The following CRK variants were observed in gnomAD, a reference collection of about 807,000 sequenced individuals.
CRK encodes adapter molecule crk.
Under a neutral mutation model 29.8 loss-of-function variants are expected in CRK, and 4 were observed. The observed-to-expected ratio is 0.13, with a 90% CI of 0.07 to 0.31. CRK has a LOEUF of 0.31. Ranked by LOEUF, CRK falls within the 10% of genes least tolerant of loss-of-function variation. The pLI is 1.00. For missense variants in CRK, 274 were observed against 396.5 expected, an observed-to-expected ratio of 0.69 and a Z score of 2.62; for synonymous variants, 153 against 164.9, an observed-to-expected ratio of 0.93 and a Z score of 0.55.
intron 1 of CRK, among the ~76,000 whole-genome samples, chr17:1,438,551 G>C: frequency 6.6e-6 from 1 of 151,746 alleles, no homozygotes; most frequent in African/African-American, 2.4e-5. Flanking sequence ...ATCAATTCCC[G>C]AGATCGTAAA....
At chr17:1,437,961 T>G (rs2073900532) in intron 1 of CRK, among the ~76,000 whole-genome samples, 1 of 151,994 alleles carries the variant, frequency 6.6e-6, no homozygotes, top group Admixed American at 6.6e-5. Context: ...CTACTGCGCC[T>G]GGCCTGCATC....
At chr17:1,437,341 T>G (rs1324177443) in intron 1 of CRK, among the ~76,000 whole-genome samples, 186 bp from the exon 2 acceptor site, 1 of 151,860 alleles carries the variant, frequency 6.6e-6, no homozygotes, top group Non-Finnish European at 1.5e-5. Context: ...AGCCCACCAC[T>G]GTGCCTGGCC....
At chr17:1,445,043 G>A (rs1042257526) in intron 1 of CRK, among the ~76,000 whole-genome samples, 5 of 151,826 alleles carry the variant, frequency 3.3e-5, no homozygotes, top group African/African-American at 7.3e-5. Context: ...AGCTACTCGG[G>A]AGGCTGAGGC....
chr17:1,440,555 G>C (rs1356770834), intron 1 of CRK, among the ~76,000 whole-genome samples: 1 of 152,092 alleles, frequency 6.6e-6, no homozygotes, highest in Non-Finnish European at 1.5e-5. Context: ...CAAGGCAGGA[G>C]GACTGATTGA....
intron 2 of CRK, among the ~76,000 whole-genome samples, chr17:1,423,856 G>GA (rs1327546338): frequency 6.6e-6 from 1 of 152,106 alleles, no homozygotes; most frequent in Non-Finnish European, 1.5e-5. Flanking sequence ...TAGCAGTGTG[G>GA]AAAAACAGAG....
intron 2 of CRK, among the ~76,000 whole-genome samples, chr17:1,425,344 G>A (rs779319028): frequency 1.3e-4 from 19 of 151,808 alleles, no homozygotes; most frequent in African/African-American, 3.6e-4. Context: ...CGCCCGCCTC[G>A]GCCTCCCAAA....
At chr17:1,424,704 T>A (rs908569848) in intron 2 of CRK, 1 of 152,280 alleles carries the variant, frequency 6.6e-6, no homozygotes, top group South Asian at 2.1e-4. Flanking sequence ...CATTACCCAA[T>A]GAGGGGTCAA....
At position 1,456,172 on chromosome 17, in the gene CRK, C is replaced by A; in HGVS notation, c.-55G>T. On this transcript the variant is annotated 5_prime_UTR_variant, in exon 1 of 3. Transcript: ENST00000300574. ...CCGCCGCCGCGCGCGCCCCTCCGGC[C>A]CCCGGCGCCCGCCGCCCAGCGGACC... 1.4e-6 allele frequency: 2 copies of A among 1,384,672 alleles called. No individual in the cohort carries two copies. The highest frequency in any genetic ancestry group is 1.9e-6 in the Non-Finnish European group (2 of 1,073,436). 85.8% of individuals were successfully genotyped at this position (1,384,672 alleles called of 1,614,324 possible).
chr17:1,425,333 C>T (rs2073768405), intron 2 of CRK, among the ~76,000 whole-genome samples: 1 of 151,942 alleles, frequency 6.6e-6, no homozygotes, highest in Admixed American at 6.6e-5. Flanking sequence ...ACCTCGTGAT[C>T]CGCCCGCCTC....
intron 1 of CRK, among the ~76,000 whole-genome samples, chr17:1,451,192 CAAAAA>C (rs10691537): frequency 7.5e-5 from 5 of 66,962 alleles, no homozygotes; most frequent in Non-Finnish European, 1.0e-4. Context: ...GAAACTGTCT[CAAAAA>C]AAAAAAAAAA....
chr17:1,453,498 C>T (rs1407235952), intron 1 of CRK, among the ~76,000 whole-genome samples: 4 of 152,156 alleles, frequency 2.6e-5, no homozygotes. Flanking sequence ...ATATCTGGTT[C>T]AGGGCCAACA....
rs1346359886 is a variant in CRK at position 1,423,493 on chromosome 17, G to C, written c.*20C>G. ...AAAAAAAGATTGTTCCCATCTGTCA[G>C]CAAAACTGTTGAACTATACTCAGCT... On this transcript the variant is annotated 3_prime_UTR_variant, in exon 3 of 3. Transcript: ENST00000300574. 6.3e-7 allele frequency: 1 copy of C among 1,588,886 alleles called. No individual in the cohort carries two copies.
intron 1 of CRK, among the ~76,000 whole-genome samples, chr17:1,442,607 T>TTC (rs1491532874): frequency 2.8e-5 from 1 of 35,808 alleles, no homozygotes; most frequent in African/African-American, 6.6e-5. Flanking sequence ...TGAAAGGGTC[T>TTC]TTTTTTTTTT....
At position 1,421,653 on chromosome 17, in the gene CRK, T is replaced by A. The variant is rs2073725719; in HGVS notation, c.*1860A>T. Reference sequence around the variant, plus strand: ...GGCCAGCTGGCTTCCCTGTGCCACGTCACCGGTTTCTCAGGTCTCCTCATT... The same window carrying A: ...GGCCAGCTGGCTTCCCTGTGCCACGACACCGGTTTCTCAGGTCTCCTCATT... On this transcript the variant is annotated 3_prime_UTR_variant, in exon 3 of 3. Coordinates refer to ENST00000300574, the MANE Select transcript of CRK (RefSeq NM_016823.4). 2 of 152,208 alleles carry A rather than the reference T, an allele frequency of 1.3e-5. No individual in the cohort carries two copies. The highest frequency in any genetic ancestry group is 3.8e-4 in the East Asian group (2 of 5,208). 9.4% of individuals were successfully genotyped at this position (152,208 alleles called of 1,614,324 possible). A position where few individuals can be genotyped will look rare whatever the true frequency, so the allele number is the denominator to read the frequency against.
At chr17:1,440,893 G>C (rs575113039) in intron 1 of CRK, among the ~76,000 whole-genome samples, 2 of 152,198 alleles carry the variant, frequency 1.3e-5, no homozygotes, top group Non-Finnish European at 2.9e-5. Context: ...AAAAGAGAGA[G>C]ACCTTGTCTC....
intron 2 of CRK, among the ~76,000 whole-genome samples, chr17:1,430,572 A>G (rs1489245879): frequency 6.4e-5 from 9 of 140,066 alleles, no homozygotes; most frequent in Non-Finnish European, 1.1e-4. Context: ...TCACAGTATT[A>G]GCCAGGATGG....
At chr17:1,443,390 T>A (rs1391752162) in intron 1 of CRK, among the ~76,000 whole-genome samples, 1 of 151,878 alleles carries the variant, frequency 6.6e-6, no homozygotes, top group Non-Finnish European at 1.5e-5. Flanking sequence ...TTGTATTTTT[T>A]ATTTTTACTT....
At chr17:1,433,146 A>G (rs1027919511) in intron 2 of CRK, among the ~76,000 whole-genome samples, 9 of 152,226 alleles carry the variant, frequency 5.9e-5, no homozygotes, top group African/African-American at 1.4e-4. Flanking sequence ...CCAGCTGATC[A>G]ATGCGTTCCA....
intron 1 of CRK, among the ~76,000 whole-genome samples, chr17:1,439,270 T>C (rs550387541): frequency 3.2e-3 from 493 of 152,224 alleles, no homozygotes; most frequent in Non-Finnish European, 5.5e-3. Flanking sequence ...TAATTTTTTT[T>C]GTATTTTTAA....
Sources: gnomAD v4.1 joint callset for allele counts (sites outside exome capture counted in the v4.1 genomes callset) on GRCh38, gnomAD v4.1.1 for gene constraint, MANE v1.5 for transcripts, NCBI Gene and HGNC (gene_info 2026-07-23, HGNC 2026-07-21) for gene names.